Variants in TRPM3 observed in about 807,000 individuals in gnomAD.
TRPM3 encodes transient receptor potential cation channel subfamily M member 3.
Under a neutral mutation model 181.2 loss-of-function variants are expected in TRPM3, and 77 were observed. That is an observed-to-expected ratio of 0.42 (90% CI 0.35 to 0.51). The LOEUF (loss-of-function observed/expected upper bound fraction) is 0.51. Ranked by LOEUF, TRPM3 falls within the 20% of genes least tolerant of loss-of-function variation. The pLI, the probability that TRPM3 is intolerant of heterozygous loss-of-function variation, is 0.01. For synonymous variants in TRPM3, 745 were observed against 796.4 expected (o/e 0.94, Z 1.09); for missense variants, 1,759 against 2,196.7 (o/e 0.80, Z 3.98).
At chr9:70,863,990 G>T (rs2095583212) in intron 2 of TRPM3, among the ~76,000 whole-genome samples, 1 of 152,044 alleles carries the variant, frequency 6.6e-6, no homozygotes, top group Non-Finnish European at 1.5e-5. Flanking sequence ...CCTAAGGAAG[G>T]TAAGTAGGGT....
At chr9:71,184,787 C>A (rs4745065) in intron 1 of TRPM3, among the ~76,000 whole-genome samples, 147,374 of 152,208 alleles carry the variant, frequency 0.97, 71,464 homozygotes, top group East Asian at 1. Flanking sequence ...CAAGGGCCTG[C>A]CAACAGCTTT....
intron 9 of TRPM3, among the ~76,000 whole-genome samples, chr9:70,645,742 C>CA (rs141101888): frequency 5.6e-4 from 84 of 148,696 alleles, no homozygotes; most frequent in African/African-American, 1.4e-3. Context: ...TTCTTCACAG[C>CA]AAAAAAAAAA....
chr9:70,747,993 C>T (rs562222020), intron 8 of TRPM3, among the ~76,000 whole-genome samples: 7 of 151,882 alleles, frequency 4.6e-5, no homozygotes, highest in African/African-American at 1.7e-4. Context: ...GGGAAAAGAG[C>T]CAATAATTGA....
chr9:70,863,450 C>T (rs895314137), intron 2 of TRPM3, among the ~76,000 whole-genome samples: 6 of 152,100 alleles, frequency 3.9e-5, no homozygotes, highest in Admixed American at 2.0e-4. Context: ...CTCACTCAGC[C>T]CATCTATCAA....
rs1234666270 is a variant in TRPM3, at chr9:70,530,680, C to T, written c.*5273G>A. 6.6e-6 allele frequency: 1 copy of T among 152,206 alleles called. No homozygotes were observed. Among genetic ancestry groups the T allele is most frequent in the African/African-American group, 2.4e-5 (1 of 41,456 alleles). 9.4% of individuals were successfully genotyped at this position (152,206 alleles called of 1,614,324 possible). Reference sequence around the variant, plus strand: ...AAGGAAATCATCAGAGAAAAGGTAACACAACTACCTTCTGAGAGGAATTAA... The same window carrying T: ...AAGGAAATCATCAGAGAAAAGGTAATACAACTACCTTCTGAGAGGAATTAA... On this transcript the variant is annotated 3_prime_UTR_variant, in exon 26 of 26. Transcript: ENST00000677713.
intron 5 of TRPM3, among the ~76,000 whole-genome samples, chr9:70,832,004 A>G (rs2093966034): frequency 1.3e-5 from 1 of 78,004 alleles, no homozygotes; most frequent in African/African-American, 5.5e-5. Flanking sequence ...TATACCTACT[A>G]TGTACCCACA....
intron 1 of TRPM3, among the ~76,000 whole-genome samples, chr9:71,416,889 G>C (rs1054476543): frequency 6.6e-6 from 1 of 151,844 alleles, no homozygotes; most frequent in Non-Finnish European, 1.5e-5. Context: ...AAATTAGACT[G>C]GTCTTTTCTG....
chr9:71,403,251 C>G (rs183139468), intron 1 of TRPM3, among the ~76,000 whole-genome samples: 1 of 152,272 alleles, frequency 6.6e-6, no homozygotes, highest in African/African-American at 2.4e-5. Flanking sequence ...TTTCATGCTA[C>G]AATGGCAGCA....
At chr9:71,119,525 A>G (rs958746419) in intron 1 of TRPM3, among the ~76,000 whole-genome samples, 1 of 151,950 alleles carries the variant, frequency 6.6e-6, no homozygotes, top group Non-Finnish European at 1.5e-5. Flanking sequence ...TAGTAAATGA[A>G]TAACATTCTC....
intron 1 of TRPM3, among the ~76,000 whole-genome samples, chr9:71,295,446 T>C (rs762362285): frequency 2.4e-4 from 36 of 151,910 alleles, no homozygotes; most frequent in Middle Eastern, 3.4e-3. Context: ...AACTCCATCA[T>C]GGTTTGAAAT....
At chr9:71,270,207 G>A (rs11142766) in intron 1 of TRPM3, among the ~76,000 whole-genome samples, 4,336 of 152,184 alleles carry the variant, frequency 0.028, 103 homozygotes, top group Non-Finnish European at 0.044. Flanking sequence ...AAAATTAGCC[G>A]GGGGTAGTGG....
chr9:71,084,703 G>A (rs892991891), intron 1 of TRPM3, among the ~76,000 whole-genome samples: 8 of 151,974 alleles, frequency 5.3e-5, no homozygotes, highest in Non-Finnish European at 8.8e-5. Flanking sequence ...GCTGCTTAAA[G>A]CGATCTACAG....
rs772083663 is a variant in TRPM3, at chr9:70,917,677, A to G, written c.178-53166T>C. Among the ~76,000 whole-genome samples, 52 of 151,914 alleles carry G rather than the reference A, an allele frequency of 3.4e-4. 3 individuals are homozygous for G. Reference sequence around the variant, plus strand: ...AATAAAAAGCAAGAAATTAAATCACATCACCAGAGAAAATCACCTTTATTA... The same window carrying G: ...AATAAAAAGCAAGAAATTAAATCACGTCACCAGAGAAAATCACCTTTATTA... On this transcript the variant is annotated intron_variant, in intron 1 of 25. Coordinates refer to ENST00000677713, the MANE Select transcript of TRPM3 (RefSeq NM_001366145.2).
intron 1 of TRPM3, among the ~76,000 whole-genome samples, chr9:71,202,246 G>T (rs556583129): frequency 1.4e-3 from 206 of 152,260 alleles, no homozygotes; most frequent in African/African-American, 4.6e-3. Context: ...CCTACCGGGG[G>T]GTGCCTCCCA....
intron 1 of TRPM3, among the ~76,000 whole-genome samples, chr9:70,928,540 G>T (rs545852234): frequency 1.3e-5 from 2 of 152,212 alleles, no homozygotes; most frequent in East Asian, 3.9e-4. Flanking sequence ...ACACAAAATA[G>T]TTGAGACAAT....
rs979977826 is a variant in TRPM3, at chr9:70,533,439, C to G, written c.*2514G>C. 2.0e-5 allele frequency: 3 copies of G among 152,164 alleles called. No homozygotes were observed. Among genetic ancestry groups the G allele is most frequent in the Non-Finnish European group, 4.4e-5 (3 of 68,020 alleles). The allele number at this position is 152,164 out of a possible 1,614,324, so 9.4% of individuals were successfully genotyped here. ...AACTCTGGTGCTGAGATTTGGCCTT[C>G]CTGAGAATCACAGAGAGATGGTCTC... On this transcript the variant is annotated 3_prime_UTR_variant, in exon 26 of 26. Transcript: ENST00000677713.
rs563066517 is a variant in TRPM3 at position 71,204,876 on chromosome 9, T to C, written c.183+241777A>G. 2.6e-5 allele frequency among the ~76,000 whole-genome samples: 4 copies of C among 152,304 alleles called. No homozygotes were observed. In the East Asian group the frequency reaches 5.8e-4, roughly 22 times the overall value. ...GGCACATATACACCATGGAATACTA[T>C]GCAGCCATTTAAAAGGATGAGTTCA... On this transcript the variant is annotated intron_variant, in intron 1 of 24. Coordinates refer to the TRPM3 transcript ENST00000357533.
chr9:71,141,236 T>C (rs538275517), intron 1 of TRPM3, among the ~76,000 whole-genome samples: 3 of 152,314 alleles, frequency 2.0e-5, no homozygotes, highest in African/African-American at 4.8e-5. Context: ...GTAACTTAAT[T>C]TGAACAATAA....
At chr9:71,418,556 T>A (rs2093672745) in intron 1 of TRPM3, among the ~76,000 whole-genome samples, 1 of 151,490 alleles carries the variant, frequency 6.6e-6, no homozygotes, top group South Asian at 2.1e-4. Context: ...GCAGATCCCA[T>A]CAATGGGGAG....
Sources: allele counts gnomAD v4.1 joint callset (sites outside exome capture counted in the v4.1 genomes callset), GRCh38; gene constraint gnomAD v4.1.1; transcripts MANE v1.5; gene names NCBI Gene and HGNC (gene_info 2026-07-23, HGNC 2026-07-21).